XPO7: variants seen among roughly 807,000 people sequenced by gnomAD.
XPO7 encodes the protein exportin-7.
XPO7 carries 21 observed loss-of-function variants against 144.3 expected under a neutral mutation model. That is an observed-to-expected ratio of 0.15 (90% CI 0.10 to 0.21). The LOEUF (loss-of-function observed/expected upper bound fraction) is 0.21, where lower values mean the gene tolerates loss of function less well. Among genes scored for constraint, XPO7 ranks in the 10% least tolerant of loss-of-function variants. The pLI is 1.00. For synonymous variants in XPO7, 580 were observed against 499.6 expected (o/e 1.16, Z -2.15); for missense variants, 808 against 1,325.8 (o/e 0.61, Z 6.06).
chr8:21,994,830 G>C (rs1365816126), intron 20 of XPO7, among the ~76,000 whole-genome samples: 1 of 152,102 alleles, frequency 6.6e-6, no homozygotes, highest in African/African-American at 2.4e-5. Flanking sequence ...GAGGTGGGCG[G>C]ATCACGAGGT....
At chr8:22,003,175 C>T (rs749678851) in intron 25 of XPO7, 44 bp from the exon 26 acceptor site, 1 of 1,482,512 alleles carries the variant, frequency 6.7e-7, no homozygotes, top group African/African-American at 1.4e-5. Context: ...TCTTGGGTAG[C>T]AATACATTAG....
chr8:21,970,410 A>G, intron 4 of XPO7, 100 bp downstream of exon 4: 3 of 1,161,810 alleles, frequency 2.6e-6, no homozygotes, highest in East Asian at 2.7e-5. Context: ...ACGCTTATCT[A>G]CTTTTTAAAC....
chr8:21,921,840 T>TC (rs2117229496), intron 1 of XPO7, among the ~76,000 whole-genome samples: 1 of 152,326 alleles, frequency 6.6e-6, no homozygotes, highest in East Asian at 1.9e-4. Context: ...TGAATTTTTT[T>TC]CCCTTTAGAG....
chr8:21,984,066 G>A (rs150554468), intron 11 of XPO7, among the ~76,000 whole-genome samples: 207 of 152,296 alleles, frequency 1.4e-3, no homozygotes, highest in African/African-American at 4.7e-3. Context: ...AAAACCGGAC[G>A]GGAGTTGGTA....
chr8:21,973,621 G>A lies in XPO7; in HGVS notation c.493-1049G>A, dbSNP rs538635616. Among the ~76,000 whole-genome samples the A allele has an allele frequency of 5.3e-5, 8 of 152,276 alleles. No homozygotes were observed. The East Asian group carries it at 1.5e-3, about 29-fold the overall frequency. Reference sequence around the variant, plus strand: ...AGAAGACTTGATTGTCAGTAATCTTGCTGCCTTACACTTTAATGTGGAAAA... The same window carrying A: ...AGAAGACTTGATTGTCAGTAATCTTACTGCCTTACACTTTAATGTGGAAAA... On this transcript the variant is annotated intron_variant, in intron 5 of 27. Transcript: ENST00000252512.
chr8:21,987,764 C>A lies in XPO7; in HGVS notation c.1714-20C>A. 1 of 1,613,402 alleles carries A rather than the reference C, an allele frequency of 6.2e-7. No individual in the cohort carries two copies. The highest frequency in any genetic ancestry group is 1.1e-5 in the South Asian group (1 of 90,986). ...TGTTGTAATTCATGTGTTCTGGTTA[C>A]TTTCTCTTCTTAACACCAGCTGTAC... On this transcript the variant is annotated intron_variant, in intron 14 of 27. Transcript: ENST00000252512.
At chr8:21,956,261 TC>T (rs1483321088) in intron 1 of XPO7, among the ~76,000 whole-genome samples, 1 of 152,196 alleles carries the variant, frequency 6.6e-6, no homozygotes, top group Non-Finnish European at 1.5e-5. Flanking sequence ...TTTCCAGTGT[TC>T]CTTTTGTGAT....
intron 1 of XPO7, among the ~76,000 whole-genome samples, chr8:21,922,949 G>A (rs904114078): frequency 6.6e-6 from 1 of 152,072 alleles, no homozygotes; most frequent in African/African-American, 2.4e-5. Flanking sequence ...GTAACTCCAG[G>A]GAGTTGTGAA....
Position 21,987,708 on chromosome 8 carries a change from A to C in XPO7, c.1714-76A>C. ...CATTTTCTTCCACATCTTACCCATG[A>C]GTGTGGACAAAAATAGTACCAGGAT... is the stretch of plus-strand genomic sequence containing the variant. On this transcript the variant is annotated intron_variant, in intron 14 of 27. Coordinates refer to ENST00000252512, the MANE Select transcript of XPO7 (RefSeq NM_015024.5). 2.0e-6 allele frequency: 3 copies of C among 1,502,026 alleles called. 1 individual carries two copies. Among genetic ancestry groups the C allele is most frequent in the South Asian group, 2.4e-5 (2 of 84,660 alleles). The allele number at this position is 1,502,026 out of a possible 1,614,324, so 93.0% of individuals were successfully genotyped here.
intron 17 of XPO7, 141 bp from the exon 18 acceptor site, chr8:21,990,668 CAA>C (rs371339696): frequency 9.7e-4 from 671 of 692,378 alleles, no homozygotes; most frequent in South Asian, 1.5e-3. Context: ...AGCCTGCCTT[CAA>C]AAAAAAAAAA....
intron 2 of XPO7, 29 bp from the exon 3 acceptor site, chr8:21,969,454 T>G (rs1338125644): frequency 6.3e-7 from 1 of 1,582,836 alleles, no homozygotes; most frequent in African/African-American, 1.3e-5. Context: ...CAATACAATT[T>G]TAAGTCCTTT....
chr8:21,998,948 G>A, intron 22 of XPO7, 111 bp downstream of exon 22: 14 of 1,439,458 alleles, frequency 9.7e-6, no homozygotes, highest in Admixed American at 1.8e-5. Flanking sequence ...GACAGCATTC[G>A]TATTGTATGC....
At position 21,944,607 on chromosome 8, in the gene XPO7, C is replaced by T. The variant is rs139831706; in HGVS notation, c.19-22250C>T. ...ATAAAATTTAAAAATAAGGAATATT[C>T]TTTTAATTTTTTTAGTATTTATTGA... On this transcript the variant is annotated intron_variant, in intron 1 of 27. Coordinates refer to ENST00000252512, the MANE Select transcript of XPO7 (RefSeq NM_015024.5). 5.0e-3 allele frequency among the ~76,000 whole-genome samples: 762 copies of T among 152,070 alleles called. 4 individuals are homozygous for T. The highest frequency in any genetic ancestry group is 0.017 in the African/African-American group (722 of 41,478).
chr8:21,979,821 T>C (rs1472891229), intron 8 of XPO7, among the ~76,000 whole-genome samples: 1 of 152,146 alleles, frequency 6.6e-6, no homozygotes. Context: ...TTGCTCGATA[T>C]TTTTAAGGGT....
chr8:21,948,047 G>A (rs903171353), intron 1 of XPO7, among the ~76,000 whole-genome samples: 1 of 152,176 alleles, frequency 6.6e-6, no homozygotes, highest in Admixed American at 6.5e-5. Flanking sequence ...TAATGAGAGA[G>A]TAAGTTTAGA....
chr8:21,990,713 C>A, intron 17 of XPO7, 98 bp from the exon 18 acceptor site: 2 of 1,247,090 alleles, frequency 1.6e-6, no homozygotes, highest in Non-Finnish European at 2.3e-6. Flanking sequence ...ACTACATAAC[C>A]ATTGGCTTGA....
At chr8:21,963,172 AT>A (rs1390821849) in intron 1 of XPO7, among the ~76,000 whole-genome samples, 2 of 152,342 alleles carry the variant, frequency 1.3e-5, no homozygotes, top group East Asian at 3.9e-4. Flanking sequence ...TTGTGCCTAT[AT>A]TTTGTAACAT....
At chr8:21,942,786 T>C (rs1412926914) in intron 1 of XPO7, among the ~76,000 whole-genome samples, 1 of 152,260 alleles carries the variant, frequency 6.6e-6, no homozygotes, top group Non-Finnish European at 1.5e-5. Flanking sequence ...TCCCATATTG[T>C]CACATGGAAG....
intron 24 of XPO7, 82 bp downstream of exon 24, chr8:21,999,756 G>T: frequency 4.5e-6 from 7 of 1,560,266 alleles, no homozygotes; most frequent in Non-Finnish European, 6.1e-6. Flanking sequence ...TCTTGCCCCA[G>T]TGTCCAAAAA....
Sources: allele counts gnomAD v4.1 joint callset (sites outside exome capture counted in the v4.1 genomes callset), GRCh38; gene constraint gnomAD v4.1.1; transcripts MANE v1.5; gene names NCBI Gene and HGNC (gene_info 2026-07-23, HGNC 2026-07-21).